The following GLT8D2 variants were observed in gnomAD, a reference collection of about 807,000 sequenced individuals.
The protein encoded by GLT8D2 is glycosyltransferase 8 domain-containing protein 2.
A neutral mutation model predicts 44.5 loss-of-function variants in GLT8D2; 45 were observed. That is an observed-to-expected ratio of 1.01 (90% CI 0.80 to 1.30). The LOEUF is 1.30. GLT8D2 is among the 50% of genes most tolerant of loss of function. GLT8D2 has a pLI of 0.00. For synonymous variants in GLT8D2, 156 were observed against 157.2 expected, an observed-to-expected ratio of 0.99 and a Z score of 0.06; for missense variants, 400 against 430.4, an observed-to-expected ratio of 0.93 and a Z score of 0.62.
At chr12:104,043,697 C>T (rs2583280) in intron 1 of GLT8D2, among the ~76,000 whole-genome samples, 7 of 152,168 alleles carry the variant, frequency 4.6e-5, no homozygotes, top group African/African-American at 1.7e-4. Context: ...GAACTCCTGA[C>T]CTCAGGTGAT....
At chr12:104,021,851 GGAGA>G (rs1877688985) in intron 1 of GLT8D2, among the ~76,000 whole-genome samples, 1 of 137,748 alleles carries the variant, frequency 7.3e-6, no homozygotes, top group Non-Finnish European at 1.6e-5. Context: ...GGAAGGAGAA[GGAGA>G]AGGAGAAGAA....
At chr12:104,054,211 C>T (rs4423256), upstream of GLT8D2, among the ~76,000 whole-genome samples, 35,655 of 151,936 alleles carry the variant, frequency 0.23, 5,345 homozygotes, top group East Asian at 0.48. Context: ...CCACCTACTC[C>T]CTGCTTCTAT....
chr12:104,004,872 A>G (rs1271158753), intron 4 of GLT8D2, among the ~76,000 whole-genome samples: 1 of 152,158 alleles, frequency 6.6e-6, no homozygotes, highest in Non-Finnish European at 1.5e-5. Context: ...ACAGAATTGG[A>G]AAAAAATACT....
intron 1 of GLT8D2, among the ~76,000 whole-genome samples, chr12:104,040,883 C>G (rs1880474698): frequency 6.6e-6 from 1 of 152,118 alleles, no homozygotes. Context: ...TTATTTTTAA[C>G]ATTACAAAAG....
intron 1 of GLT8D2, among the ~76,000 whole-genome samples, chr12:104,059,457 C>T (rs1383677301): frequency 6.6e-6 from 1 of 152,194 alleles, no homozygotes; most frequent in African/African-American, 2.4e-5. Flanking sequence ...ACATTCCAGA[C>T]AGCAGGAAAG....
intron 4 of GLT8D2, among the ~76,000 whole-genome samples, chr12:104,004,406 A>AG (rs1874681701): frequency 6.6e-6 from 1 of 152,204 alleles, no homozygotes; most frequent in African/African-American, 2.4e-5. Context: ...AAAGAAATAA[A>AG]GGGTATTCAT....
At chr12:104,016,334 C>T (rs898526223) in intron 3 of GLT8D2, among the ~76,000 whole-genome samples, 11 of 151,702 alleles carry the variant, frequency 7.3e-5, no homozygotes, top group Non-Finnish European at 1.3e-4. Flanking sequence ...TAATTCAACC[C>T]TTGGTCAAGG....
At chr12:104,035,190 T>C (rs953037587) in intron 1 of GLT8D2, among the ~76,000 whole-genome samples, 1 of 152,140 alleles carries the variant, frequency 6.6e-6, no homozygotes, top group Non-Finnish European at 1.5e-5. Context: ...CAAAGGTAGA[T>C]AAAATCACAA....
In GLT8D2 at chr12:104,022,035, G is replaced by GGGA. The variant is rs1877933529; in HGVS notation, c.-163-545_-163-544insTCC. On this transcript the variant is annotated intron_variant, in intron 1 of 10. Coordinates refer to ENST00000360814, the MANE Select transcript of GLT8D2 (RefSeq NM_001384711.1). ...AGAAGAAGAAGAAAAAGAAGAAGAAGAAGAAGAAGAAGAAGAAGAAGGGAA... is the reference window on the plus strand; with the variant it reads ...AGAAGAAGAAGAAAAAGAAGAAGAAGGGAAAGAAGAAGAAGAAGAAGAAGGGAA... 7.3e-5 allele frequency among the ~76,000 whole-genome samples: 7 copies of GGGA among 95,294 alleles called. 1 individual carries two copies. In the East Asian group the frequency reaches 1.9e-3, roughly 26 times the overall value. 62.5% of individuals were successfully genotyped at this position (95,294 alleles called of 152,430 possible). A position where few individuals can be genotyped will look rare whatever the true frequency, so the allele number is the denominator to read the frequency against.
Position 103,999,519 on chromosome 12 carries a change from A to C in GLT8D2, c.285-5T>G, listed in dbSNP as rs1408757037. On this transcript the variant is annotated splice_region_variant and splice_polypyrimidine_tract_variant and intron_variant, in intron 5 of 10. Coordinates refer to ENST00000360814, the MANE Select transcript of GLT8D2 (RefSeq NM_001384711.1). ...TTGGAATGTTCAATCCATTTTCTAA[A>C]AAGATGACCAAAAAAACCTCTAGTA... 3.8e-6 allele frequency: 6 copies of C among 1,560,534 alleles called. No homozygotes were observed. The highest frequency in any genetic ancestry group is 5.3e-6 in the Non-Finnish European group (6 of 1,133,742).
intron 5 of GLT8D2, among the ~76,000 whole-genome samples, chr12:103,999,937 C>T (rs968741928): frequency 4.6e-5 from 7 of 152,182 alleles, no homozygotes; most frequent in African/African-American, 1.7e-4. Context: ...TTTTACTCTG[C>T]TGTTTTGACT....
intron 1 of GLT8D2, among the ~76,000 whole-genome samples, chr12:104,036,726 C>A (rs1318898862): frequency 6.6e-6 from 1 of 152,158 alleles, no homozygotes. Context: ...GACTTTAACA[C>A]CCCACTGTCA....
chr12:104,042,815 A>G (rs1279655442), intron 1 of GLT8D2, among the ~76,000 whole-genome samples: 3 of 152,222 alleles, frequency 2.0e-5, no homozygotes, highest in Non-Finnish European at 4.4e-5. Flanking sequence ...ATGTTTTAAG[A>G]AAGTTGATGA....
chr12:104,055,103 T>C (rs542648198), upstream of GLT8D2, among the ~76,000 whole-genome samples: 21 of 152,290 alleles, frequency 1.4e-4, no homozygotes, highest in African/African-American at 4.8e-4. Flanking sequence ...TTCCAGGACC[T>C]GGAGAGAGGA....
intron 9 of GLT8D2, 26 bp from the exon 10 acceptor site, chr12:103,993,530 A>C: frequency 6.7e-7 from 1 of 1,485,630 alleles, no homozygotes; most frequent in Non-Finnish European, 9.1e-7. Flanking sequence ...GAAAAACAAC[A>C]TTTGGCCTGG....
At chr12:104,028,316 T>C (rs1381812725) in intron 1 of GLT8D2, among the ~76,000 whole-genome samples, 1 of 152,098 alleles carries the variant, frequency 6.6e-6, no homozygotes, top group Non-Finnish European at 1.5e-5. Context: ...GTGTGTATAA[T>C]TGCATAAAGA....
chr12:104,010,300 A>G (rs945768529), intron 4 of GLT8D2, among the ~76,000 whole-genome samples: 1 of 152,208 alleles, frequency 6.6e-6, no homozygotes, highest in Admixed American at 6.5e-5. Context: ...TTCCCTGAAC[A>G]CTACTCTTAT....
At chr12:104,023,399 C>G (rs1451333176) in intron 1 of GLT8D2, among the ~76,000 whole-genome samples, 2 of 152,092 alleles carry the variant, frequency 1.3e-5, no homozygotes, top group Non-Finnish European at 2.9e-5. Context: ...GTGCTTCACC[C>G]AGGGGAACAC....
chr12:104,018,393 C>T (rs1877165048), intron 3 of GLT8D2, among the ~76,000 whole-genome samples: 1 of 152,178 alleles, frequency 6.6e-6, no homozygotes, highest in Non-Finnish European at 1.5e-5. Context: ...TGGATGCCCT[C>T]CAAAGCTACA....
Sources: allele counts gnomAD v4.1 joint callset (sites outside exome capture counted in the v4.1 genomes callset), GRCh38; gene constraint gnomAD v4.1.1; transcripts MANE v1.5; gene names NCBI Gene and HGNC (gene_info 2026-07-23, HGNC 2026-07-21).